The following CCDC181 variants were observed in gnomAD, a reference collection of about 807,000 sequenced individuals.
The protein encoded by CCDC181 is coiled-coil domain-containing protein 181.
CCDC181 carries 35 observed loss-of-function variants against 58.7 expected under a neutral mutation model. That is an observed-to-expected ratio of 0.60 (90% CI 0.46 to 0.79). The LOEUF is 0.79. CCDC181 is among the 30% of genes least tolerant of loss of function. The pLI, the probability that CCDC181 is intolerant of heterozygous loss-of-function variation, is 0.00. For missense variants in CCDC181, 517 were observed against 583.9 expected (o/e 0.89, Z 1.18); for synonymous variants, 183 against 197.5 (o/e 0.93, Z 0.62).
intron 4 of CCDC181, among the ~76,000 whole-genome samples, chr1:169,411,973 C>A (rs576145706): frequency 6.6e-6 from 1 of 152,228 alleles, no homozygotes; most frequent in South Asian, 2.1e-4. Flanking sequence ...TGGCATAAGA[C>A]AAGGATGCCC....
intron 2 of CCDC181, among the ~76,000 whole-genome samples, chr1:169,447,895 T>C (rs997411011): frequency 5.3e-5 from 8 of 152,232 alleles, no homozygotes; most frequent in Admixed American, 2.6e-4. Flanking sequence ...ATATTTAAAG[T>C]GGGCTTTTTG....
intron 4 of CCDC181, among the ~76,000 whole-genome samples, chr1:169,409,370 C>T (rs1360368267): frequency 6.6e-6 from 1 of 152,088 alleles, no homozygotes; most frequent in Admixed American, 6.5e-5. Flanking sequence ...AACTTGGCCT[C>T]CAAGAAATAT....
At chr1:169,413,417 G>A (rs1024275924) in intron 4 of CCDC181, among the ~76,000 whole-genome samples, 1 of 152,172 alleles carries the variant, frequency 6.6e-6, no homozygotes, top group Non-Finnish European at 1.5e-5. Flanking sequence ...TACAGTGTTG[G>A]TGGGAGTGTA....
chr1:169,406,974 G>A (rs546535493), intron 4 of CCDC181, among the ~76,000 whole-genome samples: 10 of 149,638 alleles, frequency 6.7e-5, no homozygotes, highest in South Asian at 4.3e-4. Flanking sequence ...GTAAACAGAC[G>A]TTTAGTAACA....
At chr1:169,407,497 GAAAAT>G (rs979617787) in intron 4 of CCDC181, among the ~76,000 whole-genome samples, 1 of 152,020 alleles carries the variant, frequency 6.6e-6, no homozygotes, top group African/African-American at 2.4e-5. Context: ...AAGTATATAA[GAAAAT>G]AAAAAGGACT....
chr1:169,454,393 A>G (rs1384265775), intron 2 of CCDC181: 2 of 152,210 alleles, frequency 1.3e-5, no homozygotes, highest in Non-Finnish European at 2.9e-5. Context: ...AAAAGATATA[A>G]TATCTTAATA....
At chr1:169,427,130 G>A (rs1429699180) in intron 1 of CCDC181, among the ~76,000 whole-genome samples, 158 bp downstream of exon 1, 1 of 152,116 alleles carries the variant, frequency 6.6e-6, no homozygotes, top group Non-Finnish European at 1.5e-5. Flanking sequence ...AGACTCGGTG[G>A]ACCTCGGACT....
chr1:169,411,577 C>T (rs999505511), intron 4 of CCDC181, among the ~76,000 whole-genome samples: 5 of 152,058 alleles, frequency 3.3e-5, no homozygotes, highest in African/African-American at 9.7e-5. Context: ...CTGGCAGAGA[C>T]ACAAGAAAAG....
At chr1:169,428,974 A>G (rs546328358), upstream of CCDC181, among the ~76,000 whole-genome samples, 1 of 152,170 alleles carries the variant, frequency 6.6e-6, no homozygotes, top group African/African-American at 2.4e-5. Context: ...CAAGTCCCCA[A>G]AGTCCACTGT....
chr1:169,403,850 C>CA (rs1196026692), intron 4 of CCDC181, among the ~76,000 whole-genome samples: 1 of 151,884 alleles, frequency 6.6e-6, no homozygotes, highest in Non-Finnish European at 1.5e-5. Flanking sequence ...AGAAACCCTT[C>CA]AAAAAAATCA....
chr1:169,410,857 C>A (rs949849756), intron 4 of CCDC181, among the ~76,000 whole-genome samples: 1 of 152,248 alleles, frequency 6.6e-6, no homozygotes, highest in East Asian at 1.9e-4. Context: ...AACAAAGACA[C>A]AATGTACCAG....
chr1:169,459,818 T>C (rs1657791202), exon 2 of CCDC181: 1 of 146,762 alleles, frequency 6.8e-6, no homozygotes, highest in African/African-American at 2.5e-5. Flanking sequence ...GGTCCATCTT[T>C]GTCAACCCTC....
At chr1:169,455,400 G>T (rs1657655150) in intron 2 of CCDC181, among the ~76,000 whole-genome samples, 1 of 152,056 alleles carries the variant, frequency 6.6e-6, no homozygotes, top group East Asian at 1.9e-4. Context: ...AAATATATCA[G>T]GCCCTAGTAA....
chr1:169,444,381 A>T (rs1018591957), intron 2 of CCDC181, among the ~76,000 whole-genome samples: 1 of 152,182 alleles, frequency 6.6e-6, no homozygotes, highest in African/African-American at 2.4e-5. Flanking sequence ...ATTAATTTTT[A>T]AAGTAATTTC....
In CCDC181 at chr1:169,421,852, A is replaced by T; in HGVS notation, c.579T>A (p.Asn193Lys). Residue 193 changes from asparagine to lysine, a missense_variant, in exon 3 of 6, where the codon AAT (asparagine) becomes AAA (lysine). Asn to Lys is a moderately conservative substitution (Grantham distance 94, BLOSUM62 0). Coordinates refer to ENST00000367806, the MANE Select transcript of CCDC181 (RefSeq NM_001300969.2). Reference sequence around the variant, plus strand: ...GGAGCACATCTTCTTGTCCAAAATCATTGGAAATACATAATTGTGACAGTT... The same window carrying T: ...GGAGCACATCTTCTTGTCCAAAATCTTTGGAAATACATAATTGTGACAGTT... ...FGKLSQLCIS[N>K]DFGQEDVLLS... The T allele has an allele frequency of 6.2e-7, 1 of 1,613,968 alleles. No homozygotes were observed. The highest frequency in any genetic ancestry group is 2.2e-5 in the East Asian group (1 of 44,894).
intron 5 of CCDC181, chr1:169,396,387 C>T (rs1348805589): frequency 2.0e-5 from 3 of 152,020 alleles, no homozygotes; most frequent in Non-Finnish European, 2.9e-5. Flanking sequence ...GACCCCATCT[C>T]TACAAAAAAA....
At chr1:169,429,188 T>C (rs117398741), upstream of CCDC181, among the ~76,000 whole-genome samples, 596 of 152,332 alleles carry the variant, frequency 3.9e-3, 11 homozygotes, top group East Asian at 0.055. Context: ...TACCACATTT[T>C]CTTTATCCAC....
intron 4 of CCDC181, among the ~76,000 whole-genome samples, chr1:169,413,811 T>G (rs954931317): frequency 2.6e-5 from 4 of 151,420 alleles, no homozygotes; most frequent in Admixed American, 6.6e-5. Context: ...TAAGTGGAAG[T>G]TGAACAATGA....
chr1:169,396,909 T>G (rs1282592351), intron 5 of CCDC181, among the ~76,000 whole-genome samples: 1 of 152,106 alleles, frequency 6.6e-6, no homozygotes, highest in Non-Finnish European at 1.5e-5. Context: ...GTAACCAATC[T>G]TCAACCCATT....
Sources: gnomAD v4.1 joint callset for allele counts (sites outside exome capture counted in the v4.1 genomes callset) on GRCh38, gnomAD v4.1.1 for gene constraint, MANE v1.5 for transcripts, NCBI Gene and HGNC (gene_info 2026-07-23, HGNC 2026-07-21) for gene names.